RADIL: variants seen among roughly 807,000 people sequenced by gnomAD.
RADIL encodes Rap associating with DIL domain.
In RADIL, 99 loss-of-function variants were observed where a neutral mutation model predicts 97.6. That is an observed-to-expected ratio of 1.01 (90% CI 0.86 to 1.20). The LOEUF (loss-of-function observed/expected upper bound fraction) is 1.20, where lower values mean the gene tolerates loss of function less well. Ranked by LOEUF, RADIL falls within the 50% of genes most tolerant of loss-of-function variation. RADIL has a pLI of 0.00. For synonymous variants in RADIL, 803 were observed against 691.8 expected, an observed-to-expected ratio of 1.16 and a Z score of -2.52; for missense variants, 1,765 against 1,498.9, an observed-to-expected ratio of 1.18 and a Z score of -2.93.
Position 4,835,226 on chromosome 7 carries a change from T to C in RADIL, c.797A>G (p.Tyr266Cys). Residue 266 changes from tyrosine (Y) to cysteine (C), a missense_variant, in exon 4 of 15, where the codon TAT becomes TGT. Tyr to Cys is a radical substitution (Grantham distance 194, BLOSUM62 -2). Transcript: ENST00000399583. This position sits in a 1 kb window ranked among gnomAD's most constrained non-coding sequence, Gnocchi z 5.8. ...GYSQQHDSLV[Y>C]VLNRDRHTVG... ...CGTGTGCCGGTCCCGGTTGAGCACA[T>C]ACACCAGGCTGTCCTGAAACAGAGA... The C allele has an allele frequency of 6.2e-7, 1 of 1,610,086 alleles. No homozygotes were observed. Among genetic ancestry groups the C allele is most frequent in the Non-Finnish European group, 8.5e-7 (1 of 1,179,864 alleles).
At chr7:4,820,275 T>A (rs1216512133) in intron 6 of RADIL, among the ~76,000 whole-genome samples, 1 of 152,214 alleles carries the variant, frequency 6.6e-6, no homozygotes, top group Admixed American at 6.5e-5. Context: ...GAGTCAGGTC[T>A]GCAGGGAGAG....
intron 2 of RADIL, among the ~76,000 whole-genome samples, chr7:4,846,738 G>T (rs1196251519): frequency 6.6e-6 from 1 of 151,242 alleles, no homozygotes; most frequent in Non-Finnish European, 1.5e-5. Context: ...TAGAGATGGG[G>T]TTTCACCATG....
In RADIL at chr7:4,800,160, G is replaced by C; in HGVS notation, c.2982+11C>G. On this transcript the variant is annotated intron_variant, in intron 13 of 14. Coordinates refer to ENST00000399583, the MANE Select transcript of RADIL (RefSeq NM_018059.5). ...AGTATGGGGGTGCGGCGAGGGTCCTGGGCCACTCACCATCCCGTCGATCAG... is the reference window on the plus strand; with the variant it reads ...AGTATGGGGGTGCGGCGAGGGTCCTCGGCCACTCACCATCCCGTCGATCAG... 1 of 1,603,806 alleles carries C rather than the reference G, an allele frequency of 6.2e-7. No homozygotes were observed. Among genetic ancestry groups the C allele is most frequent in the Non-Finnish European group, 8.5e-7 (1 of 1,177,668 alleles).
At position 4,879,364 on chromosome 7, in the gene RADIL, T is replaced by C. The variant is rs200790437; in HGVS notation, c.-64-1161A>G. Among the ~76,000 whole-genome samples, 2 of 152,152 alleles carry C rather than the reference T, an allele frequency of 1.3e-5. No homozygotes were observed. The highest frequency in any genetic ancestry group is 4.8e-5 in the African/African-American group (2 of 41,428). On this transcript the variant is annotated intron_variant, in intron 1 of 14. Coordinates refer to ENST00000399583, the MANE Select transcript of RADIL (RefSeq NM_018059.5). The surrounding 1 kb of genome is among the most constrained non-coding windows in gnomAD (Gnocchi z 4.1). ...GAGGGCAGAGAAAAAGGAAGGCAGG[T>C]CTCCGATTTGGAAAAGGTGAGGCTG...
At chr7:4,838,024 G>A (rs968870612) in intron 2 of RADIL, 58 of 985,264 alleles carry the variant, frequency 5.9e-5, no homozygotes, top group East Asian at 2.3e-4. Context: ...CAGCCCCGCC[G>A]TCCTTCCCAA....
intron 2 of RADIL, among the ~76,000 whole-genome samples, chr7:4,875,905 C>T (rs4724130): frequency 0.47 from 71,843 of 151,886 alleles, 19,887 homozygotes; most frequent in African/African-American, 0.77. Flanking sequence ...GTGGCGACCT[C>T]TGGGTGGAGG....
At position 4,834,769 on chromosome 7, in the gene RADIL, C is replaced by T. The variant is rs762086778; in HGVS notation, c.1254G>A (p.Leu418=). The T allele has an allele frequency of 1.4e-6, 2 of 1,387,646 alleles. No individual in the cohort carries two copies. The highest frequency in any genetic ancestry group is 1.9e-5 in the South Asian group (1 of 51,836). The allele number at this position is 1,387,646 out of a possible 1,614,324, so 86.0% of individuals were successfully genotyped here. A position where few individuals can be genotyped will look rare whatever the true frequency, so the allele number is the denominator to read the frequency against. The change falls in exon 4 of 15, where the codon CTG becomes CTA. Residue 418 remains leucine (L), a synonymous_variant. Transcript: ENST00000399583. This position sits in a 1 kb window ranked among gnomAD's most constrained non-coding sequence, Gnocchi z 6.0. ...GCTCGATCAACGTCATGATCCTCTG[C>T]AGCAGCGTGTCCTCCAGGTGGGGCT... is the stretch of plus-strand genomic sequence containing the variant. ...EFEPHLEDTL[L]QRIMTLIEPG... is the part of the protein sequence containing the mutation.
At chr7:4,868,922 T>C (rs1249914355) in intron 2 of RADIL, among the ~76,000 whole-genome samples, 2 of 152,204 alleles carry the variant, frequency 1.3e-5, no homozygotes, top group East Asian at 3.9e-4. Flanking sequence ...AGGTCAGGAG[T>C]TCGAGACCAG....
rs1330091852 is a variant in RADIL at position 4,824,334 on chromosome 7, C to A, written c.1455-1780G>T. On this transcript the variant is annotated intron_variant, in intron 5 of 14. Coordinates refer to ENST00000399583, the MANE Select transcript of RADIL (RefSeq NM_018059.5). The surrounding 1 kb of genome is among the most constrained non-coding windows in gnomAD (Gnocchi z 6.7). Reference sequence around the variant, plus strand: ...GCTGGACGGCCGTCAGAGTGACCATCGCGTGCTCAGTCCCAGGTGTGTGGA... The same window carrying A: ...GCTGGACGGCCGTCAGAGTGACCATAGCGTGCTCAGTCCCAGGTGTGTGGA... 1.3e-5 allele frequency among the ~76,000 whole-genome samples: 2 copies of A among 152,210 alleles called. No homozygotes were observed. The highest frequency in any genetic ancestry group is 2.9e-5 in the Non-Finnish European group (2 of 68,034).
In RADIL at chr7:4,880,933, A is replaced by C; in HGVS notation, c.-65+2663T>G. On this transcript the variant is annotated intron_variant, in intron 1 of 14. Coordinates refer to ENST00000399583, the MANE Select transcript of RADIL (RefSeq NM_018059.5). The surrounding 1 kb of genome is among the most constrained non-coding windows in gnomAD (Gnocchi z 4.5). Reference sequence around the variant, plus strand: ...GCAACATAACAAGATCCCAATCTCTACAGAAAATAAAAATAAAAAATTAGC... The same window carrying C: ...GCAACATAACAAGATCCCAATCTCTCCAGAAAATAAAAATAAAAAATTAGC... Among the ~76,000 whole-genome samples, 1 of 152,062 alleles carries C rather than the reference A, an allele frequency of 6.6e-6. No individual in the cohort carries two copies. The highest frequency in any genetic ancestry group is 1.5e-5 in the Non-Finnish European group (1 of 68,006).
Position 4,834,727 on chromosome 7 carries a change from G to C in RADIL, c.1296C>G (p.His432Gln). Residue 432 changes from histidine to glutamine, a missense_variant, in exon 4 of 15, where the codon CAC becomes CAG. Coordinates refer to ENST00000399583, the MANE Select transcript of RADIL (RefSeq NM_018059.5). The surrounding 1 kb of genome is among the most constrained non-coding windows in gnomAD (Gnocchi z 6.0). ...MTLIEPGGDD[H>Q]KLTPAFLLCL... ...ACAGGAGGAAGGCGGGGGTCAGCTT[G>C]TGGTCGTCGCCCCCCGGCTCGATCA... is the stretch of plus-strand genomic sequence containing the variant. The C allele has an allele frequency of 7.1e-7, 1 of 1,411,522 alleles. No homozygotes were observed. Among genetic ancestry groups the C allele is most frequent in the South Asian group, 1.8e-5 (1 of 55,544 alleles). 87.4% of individuals were successfully genotyped at this position (1,411,522 alleles called of 1,614,324 possible). A position where few individuals can be genotyped will look rare whatever the true frequency, so the allele number is the denominator to read the frequency against.
rs540685911 is a variant in RADIL at position 4,813,100 on chromosome 7, CTT to C, written c.2139+2176_2139+2177del. On this transcript the variant is annotated intron_variant, in intron 9 of 14. Transcript: ENST00000399583. The surrounding 1 kb of genome is among the most constrained non-coding windows in gnomAD (Gnocchi z 5.0). ...TCTCTCTCTCTCTCTCTCTCTCTCTCTTTCCTTTCTTTCTTTCTTTTCTTTCT... is the reference window on the plus strand; with the variant it reads ...TCTCTCTCTCTCTCTCTCTCTCTCTCTCCTTTCTTTCTTTCTTTTCTTTCT... Among the ~76,000 whole-genome samples the C allele has an allele frequency of 3.3e-3, 491 of 149,330 alleles. 3 individuals carry two copies. Among genetic ancestry groups the C allele is most frequent in the Non-Finnish European group, 5.2e-3 (349 of 67,226 alleles).
At position 4,815,588 on chromosome 7, in the gene RADIL, C is replaced by A; in HGVS notation, c.1967-138G>T. 1.0e-6 allele frequency: 1 copy of A among 993,580 alleles called. No individual in the cohort carries two copies. The highest frequency in any genetic ancestry group is 2.9e-5 in the East Asian group (1 of 34,436). 61.5% of individuals were successfully genotyped at this position (993,580 alleles called of 1,614,324 possible). ...AGCTCGATGACAGGCAGGACACCTT[C>A]CCTCGGTTTTCAAGGCAACTGACCA... On this transcript the variant is annotated intron_variant, in intron 8 of 14. Coordinates refer to ENST00000399583, the MANE Select transcript of RADIL (RefSeq NM_018059.5). The surrounding 1 kb of genome is among the most constrained non-coding windows in gnomAD (Gnocchi z 8.0).
chr7:4,877,594 GC>G lies in RADIL; in HGVS notation c.535+10del, dbSNP rs764931585. ...ACCCACGGCTCTTCCTGAACCTGTG[GC>G]CCCCCTCACCTGCCGTGATGGTGTC... On this transcript the variant is annotated intron_variant, in intron 2 of 14. Coordinates refer to ENST00000399583, the MANE Select transcript of RADIL (RefSeq NM_018059.5). The G allele has an allele frequency of 1.3e-6, 2 of 1,577,272 alleles. No individual in the cohort carries two copies. Among genetic ancestry groups the G allele is most frequent in the African/African-American group, 1.4e-5 (1 of 73,812 alleles).
At chr7:4,806,626 GTTC>G (rs892859748) in intron 9 of RADIL, among the ~76,000 whole-genome samples, 2 of 152,208 alleles carry the variant, frequency 1.3e-5, no homozygotes, top group Non-Finnish European at 2.9e-5. Context: ...CTCCCAGCCG[GTTC>G]TTATTTTCTG....
chr7:4,845,247 C>A (rs1783539748), intron 2 of RADIL, among the ~76,000 whole-genome samples: 3 of 151,944 alleles, frequency 2.0e-5, no homozygotes, highest in Admixed American at 2.0e-4. Flanking sequence ...CAGCAAGACC[C>A]CAAATCCACA....
At chr7:4,802,998 T>TGGG (rs1377293400) in intron 11 of RADIL, among the ~76,000 whole-genome samples, 3 of 65,628 alleles carry the variant, frequency 4.6e-5, no homozygotes, top group Non-Finnish European at 5.2e-5. Context: ...GCACTCTGGC[T>TGGG]GGGCCCCCTC....
chr7:4,874,963 C>A (rs904344623), intron 2 of RADIL, among the ~76,000 whole-genome samples: 1 of 144,490 alleles, frequency 6.9e-6, no homozygotes, highest in Non-Finnish European at 1.5e-5. Context: ...GAGGCCGAGG[C>A]GGGCGGATCA....
At chr7:4,862,122 G>C (rs956445068) in intron 2 of RADIL, 3 of 316,216 alleles carry the variant, frequency 9.5e-6, no homozygotes, top group South Asian at 1.6e-4. Flanking sequence ...ACCGCTGCGC[G>C]GGGGGCTATA....
Sources: gnomAD v4.1 joint callset for allele counts (sites outside exome capture counted in the v4.1 genomes callset) on GRCh38, gnomAD v4.1.1 for gene constraint, Gnocchi (gnomAD v3.1) non-coding constraint, MANE v1.5 for transcripts, NCBI Gene and HGNC (gene_info 2026-07-23, HGNC 2026-07-21) for gene names.